ZNF280C: variants seen among roughly 807,000 people sequenced by gnomAD.
The protein encoded by ZNF280C is suppressor of hairy wing homolog 3.
A neutral mutation model predicts 53.6 loss-of-function variants in ZNF280C; 14 were observed. That is an observed-to-expected ratio of 0.26 (90% CI 0.17 to 0.41). The LOEUF (loss-of-function observed/expected upper bound fraction) is 0.41. Among genes scored for constraint, ZNF280C ranks in the 10% least tolerant of loss-of-function variants. The probability of loss-of-function intolerance (pLI) is 1.00; values close to 1 mark genes in which losing one functional copy is unlikely to be tolerated. For missense variants in ZNF280C, 416 were observed against 547.1 expected, an observed-to-expected ratio of 0.76 and a Z score of 2.39; for synonymous variants, 203 against 181.1, an observed-to-expected ratio of 1.12 and a Z score of -0.97.
chrX:130,255,312 T>C (rs1297973138), intron 2 of ZNF280C, among the ~76,000 whole-genome samples: 1 of 104,016 alleles, frequency 9.6e-6, no homozygotes, highest in African/African-American at 3.5e-5. Context: ...GGCTAATTTT[T>C]TGTATTTTTA....
chrX:130,216,300 T>C lies in ZNF280C; in HGVS notation c.1528-199A>G, dbSNP rs151138890. Among the ~76,000 whole-genome samples the C allele has an allele frequency of 4.0e-4, 45 of 111,785 alleles. No individual in the cohort carries two copies. In the East Asian group the frequency reaches 0.012, roughly 30 times the overall value. On this transcript the variant is annotated intron_variant, in intron 13 of 18. Coordinates refer to ENST00000370978, the MANE Select transcript of ZNF280C (RefSeq NM_017666.5). ...TGTGCAAAAGAATGAATTTGAACCCTTACCTCATATTATATACAAAAATTA... is the reference window on the plus strand; with the variant it reads ...TGTGCAAAAGAATGAATTTGAACCCCTACCTCATATTATATACAAAAATTA...
chrX:130,255,881 G>T (rs2124715171), intron 2 of ZNF280C, among the ~76,000 whole-genome samples: 1 of 112,038 alleles, frequency 8.9e-6, no homozygotes, highest in Admixed American at 9.4e-5. Context: ...CCTCAACCCA[G>T]GAGCCGGTGG....
chrX:130,247,212 G>A (rs1355380290), intron 2 of ZNF280C, among the ~76,000 whole-genome samples: 2 of 111,872 alleles, frequency 1.8e-5, no homozygotes, highest in Non-Finnish European at 1.9e-5. Flanking sequence ...GGGTTCAAAC[G>A]ATTCTCCTGC....
At chrX:130,267,961 C>CTGGT (rs2032707470) in intron 1 of ZNF280C, among the ~76,000 whole-genome samples, 1 of 111,958 alleles carries the variant, frequency 8.9e-6, no homozygotes, top group Non-Finnish European at 1.9e-5. Flanking sequence ...CTTGCAGAAG[C>CTGGT]TGGTTCACTT....
chrX:130,250,826 G>A (rs998794426), intron 2 of ZNF280C, among the ~76,000 whole-genome samples: 2 of 111,792 alleles, frequency 1.8e-5, no homozygotes, highest in Admixed American at 9.5e-5. Context: ...TGGATGCGGT[G>A]GCTCACACCA....
At chrX:130,267,309 T>C (rs1031756970) in intron 1 of ZNF280C, among the ~76,000 whole-genome samples, 8 of 111,476 alleles carry the variant, frequency 7.2e-5, no homozygotes, top group African/African-American at 2.3e-4. Context: ...AATAAAAATA[T>C]AAAGGAAAAA....
At chrX:130,205,452 T>C (rs771790323) in intron 16 of ZNF280C, 37 bp from the exon 17 acceptor site, 2 of 969,912 alleles carry the variant, frequency 2.1e-6, no homozygotes, top group African/African-American at 3.9e-5. Flanking sequence ...AATATTCTTA[T>C]CATTTATGAA....
chrX:130,233,584 T>C (rs1199540013), intron 8 of ZNF280C, among the ~76,000 whole-genome samples: 1 of 102,265 alleles, frequency 9.8e-6, no homozygotes, highest in Non-Finnish European at 2.0e-5. Context: ...ATTACACCAT[T>C]GCACTCTAGC....
rs1336986804 is a variant in ZNF280C at position 130,243,801 on chromosome X, T to C, written c.243A>G (p.Pro81=). 2 of 1,186,670 alleles carry C rather than the reference T, an allele frequency of 1.7e-6. No homozygotes were observed. The highest frequency in any genetic ancestry group is 3.5e-5 in the African/African-American group (2 of 56,504). Residue 81 remains proline (P), a splice_region_variant and synonymous_variant, in exon 4 of 19, where the codon CCA becomes CCG. Transcript: ENST00000370978. ...SKGIKSEPHS[P]GIPEIFRTAS... ...TGAAATACTACAGTAATACTGTACCTGGACTGTGTGGCTCACTCTTTATTC... is the reference window on the plus strand; with the variant it reads ...TGAAATACTACAGTAATACTGTACCCGGACTGTGTGGCTCACTCTTTATTC...
intron 12 of ZNF280C, among the ~76,000 whole-genome samples, chrX:130,224,809 G>C (rs1206334612): frequency 9.0e-6 from 1 of 111,639 alleles, no homozygotes; most frequent in East Asian, 2.8e-4. Context: ...TCCTCCCACT[G>C]CAAGAAAAGC....
intron 10 of ZNF280C, among the ~76,000 whole-genome samples, 167 bp from the exon 11 acceptor site, chrX:130,227,949 A>C (rs1345667546): frequency 8.9e-6 from 1 of 112,154 alleles, no homozygotes; most frequent in Non-Finnish European, 1.9e-5. Flanking sequence ...ATATTAGCTT[A>C]TTTAATTCTC....
At chrX:130,244,554 G>A (rs1048360997) in intron 3 of ZNF280C, among the ~76,000 whole-genome samples, 1 of 110,476 alleles carries the variant, frequency 9.1e-6, no homozygotes, top group Non-Finnish European at 1.9e-5. Context: ...GAGGCGGGCA[G>A]ATCATGAGGT....
chrX:130,267,884 A>T (rs1337973412), intron 1 of ZNF280C, among the ~76,000 whole-genome samples: 4 of 112,179 alleles, frequency 3.6e-5, no homozygotes, highest in African/African-American at 6.5e-5. Flanking sequence ...TCGCAGATTT[A>T]AAAAACTCCA....
At position 130,227,553 on chromosome X, in the gene ZNF280C, G is replaced by C. The variant is rs370715244; in HGVS notation, c.1248+129C>G. On this transcript the variant is annotated intron_variant, in intron 11 of 18. Transcript: ENST00000370978. ...ACCCAAGGGGGTTTCCACTAATGAA[G>C]AGGGTCTTCAATTTTAGCATAGTAA... 23 of 519,473 alleles carry C rather than the reference G, an allele frequency of 4.4e-5. No homozygotes were observed. The East Asian group carries it at 5.7e-4, about 13-fold the overall frequency. 42.8% of individuals were successfully genotyped at this position (519,473 alleles called of 1,213,427 possible).
intron 15 of ZNF280C, among the ~76,000 whole-genome samples, chrX:130,210,214 C>G (rs2032026481): frequency 8.9e-6 from 1 of 112,245 alleles, no homozygotes; most frequent in Non-Finnish European, 1.9e-5. Context: ...TGGACGAAGA[C>G]AGTCATCTCT....
At chrX:130,251,744 G>A (rs2032513330) in intron 2 of ZNF280C, among the ~76,000 whole-genome samples, 1 of 106,088 alleles carries the variant, frequency 9.4e-6, no homozygotes, top group South Asian at 4.2e-4. Context: ...AACTGAGATC[G>A]AAACACTGCA....
intron 9 of ZNF280C, 94 bp downstream of exon 9, chrX:130,230,416 A>G: frequency 1.9e-6 from 1 of 528,025 alleles, no homozygotes; most frequent in Non-Finnish European, 2.9e-6. Flanking sequence ...TATTAGAATT[A>G]ATTACCGAGG....
intron 12 of ZNF280C, among the ~76,000 whole-genome samples, chrX:130,223,301 G>A (rs112114146): frequency 0.063 from 6,949 of 110,406 alleles, 535 homozygotes; most frequent in African/African-American, 0.21. Context: ...CAGGTGATCC[G>A]CCTGCCTTGG....
At position 130,246,959 on chromosome X, in the gene ZNF280C, CTCT is replaced by C. The variant is rs776059632; in HGVS notation, c.75_77del (p.Glu26del). The C allele has an allele frequency of 4.1e-6, 5 of 1,209,449 alleles. No homozygotes were observed. Among genetic ancestry groups the C allele is most frequent in the Non-Finnish European group, 4.5e-6 (4 of 894,749 alleles). On this transcript the variant is annotated inframe_deletion, in exon 3 of 19. Transcript: ENST00000370978. ...CTACTTTCTTCTGCCATGGCTCTAG[CTCT>C]TCTTCTTCACATTCCATAAAGAGTT...
Sources: gnomAD v4.1 joint callset for allele counts (sites outside exome capture counted in the v4.1 genomes callset) on GRCh38, gnomAD v4.1.1 for gene constraint, MANE v1.5 for transcripts, NCBI Gene and HGNC (gene_info 2026-07-23, HGNC 2026-07-21) for gene names.